Variants in XRN1 observed in about 807,000 individuals in gnomAD.
XRN1 encodes 5'-3' exoribonuclease 1.
A neutral mutation model predicts 222.3 loss-of-function variants in XRN1; 67 were observed. That is an observed-to-expected ratio of 0.30 (90% confidence interval 0.25 to 0.37). The LOEUF is 0.37. Ranked by LOEUF, XRN1 falls within the 10% of genes least tolerant of loss-of-function variation. The pLI is 1.00. For missense variants in XRN1, 1,707 were observed against 2,000.2 expected (o/e 0.85, Z 2.80); for synonymous variants, 643 against 652.4 (o/e 0.99, Z 0.22).
intron 15 of XRN1, among the ~76,000 whole-genome samples, chr3:142,410,644 A>G (rs1380516697): frequency 1.3e-5 from 2 of 151,662 alleles, no homozygotes; most frequent in Non-Finnish European, 2.9e-5. Flanking sequence ...ACAGGTGCCC[A>G]CCACCACGCC....
chr3:142,407,884 T>C (rs1400284912), intron 15 of XRN1: 1 of 152,262 alleles, frequency 6.6e-6, no homozygotes, highest in African/African-American at 2.4e-5. Context: ...TTAAATGGCA[T>C]GTATTCACAG....
intron 37 of XRN1, among the ~76,000 whole-genome samples, chr3:142,325,706 T>G (rs1407659799): frequency 6.6e-6 from 1 of 152,196 alleles, no homozygotes; most frequent in Non-Finnish European, 1.5e-5. Context: ...TTGCTTTAGT[T>G]GCCTGTGCTT....
chr3:142,345,743 AT>A (rs1447085571), intron 33 of XRN1, among the ~76,000 whole-genome samples: 1 of 152,250 alleles, frequency 6.6e-6, no homozygotes, highest in Non-Finnish European at 1.5e-5. Flanking sequence ...TGAACCAAGG[AT>A]TTGAACTGAC....
At position 142,383,412 on chromosome 3, in the gene XRN1, T is replaced by C; in HGVS notation, c.2504A>G (p.Asp835Gly). The change falls in exon 22 of 41, where the codon GAC becomes GGC. Residue 835 changes from aspartate (D) to glycine (G), a missense_variant and splice_region_variant. Physicochemically the swap from Asp to Gly is moderately conservative, Grantham distance 94. Around this residue, in one of 2 missense-constraint regions of XRN1, gnomAD observed 1,234 missense variants for 1,518.2 expected, o/e 0.81. Transcript: ENST00000392981. ...VPFVYQTIVK[D>G]IRAFDSRFSN... ...GAAACGGGAGTCGAAAGCTCGGATGTCCTACATAAAATAAAAGTAAATAAT... is the reference window on the plus strand; with the variant it reads ...GAAACGGGAGTCGAAAGCTCGGATGCCCTACATAAAATAAAAGTAAATAAT... The C allele has an allele frequency of 6.2e-7, 1 of 1,606,154 alleles. No homozygotes were observed.
intron 29 of XRN1, among the ~76,000 whole-genome samples, chr3:142,361,963 C>CTTTTTTTTTTTTT (rs71153961): frequency 2.1e-4 from 11 of 51,672 alleles, no homozygotes; most frequent in African/African-American, 5.3e-4. Flanking sequence ...CTTTTTCTCT[C>CTTTTTTTTTTTTT]TTTTTTTTTT....
intron 1 of XRN1, among the ~76,000 whole-genome samples, chr3:142,440,883 GT>G (rs1444064878): frequency 2.6e-5 from 4 of 152,300 alleles, no homozygotes; most frequent in East Asian, 1.9e-4. Flanking sequence ...CACCTGGACT[GT>G]TTTACCCCAA....
intron 2 of XRN1, among the ~76,000 whole-genome samples, chr3:142,428,393 CAAAAAA>C (rs56759656): frequency 3.5e-5 from 3 of 85,580 alleles, no homozygotes; most frequent in Admixed American, 2.7e-4. Context: ...CAAGACTCTC[CAAAAAA>C]AAAAAAAAAA....
intron 32 of XRN1, among the ~76,000 whole-genome samples, chr3:142,348,904 T>C (rs2066227828): frequency 6.6e-6 from 1 of 152,048 alleles, no homozygotes; most frequent in African/African-American, 2.4e-5. Flanking sequence ...CCTCCCAAAG[T>C]GCTGGGATTA....
intron 13 of XRN1, among the ~76,000 whole-genome samples, chr3:142,415,496 G>A (rs1255633857): frequency 6.6e-6 from 1 of 152,096 alleles, no homozygotes. Flanking sequence ...TCTGTAAAAG[G>A]GAGAAAACAA....
intron 29 of XRN1, among the ~76,000 whole-genome samples, chr3:142,362,782 T>C (rs2066688492): frequency 6.7e-6 from 1 of 148,840 alleles, no homozygotes; most frequent in South Asian, 2.2e-4. Context: ...TCTCTCTCTT[T>C]CTTTTTTTGA....
chr3:142,420,255 G>C (rs1479489949), intron 10 of XRN1: 1 of 152,190 alleles, frequency 6.6e-6, no homozygotes, highest in Non-Finnish European at 1.5e-5. Context: ...ACGCAGTTCA[G>C]TTTCCCACAT....
intron 30 of XRN1, among the ~76,000 whole-genome samples, chr3:142,357,975 C>T (rs1220851975): frequency 6.6e-6 from 1 of 152,020 alleles, no homozygotes; most frequent in East Asian, 1.9e-4. Flanking sequence ...GAGATGCAGG[C>T]TGCAGTGAGC....
intron 8 of XRN1, among the ~76,000 whole-genome samples, chr3:142,422,028 T>C (rs1397774355): frequency 6.6e-6 from 1 of 152,186 alleles, no homozygotes; most frequent in Non-Finnish European, 1.5e-5. Flanking sequence ...CAATAAAGTA[T>C]GCTGGCTTTC....
intron 16 of XRN1, among the ~76,000 whole-genome samples, chr3:142,404,448 A>G (rs1350109327): frequency 6.6e-6 from 1 of 152,168 alleles, no homozygotes; most frequent in Admixed American, 6.5e-5. Flanking sequence ...GAGAAGAGAA[A>G]AAAAAGGAAG....
rs1455992646 is a variant in XRN1 at position 142,307,908 on chromosome 3, C to T, written c.*3603G>A. ...TTTTAAAGACAGAGAACGACTTTCA[C>T]AGCCACTTCTCTACAATAAATTAAT... On this transcript the variant is annotated 3_prime_UTR_variant, in exon 41 of 41. Coordinates refer to ENST00000392981, the MANE Select transcript of XRN1 (RefSeq NM_001282857.2). 6.6e-6 allele frequency: 1 copy of T among 152,172 alleles called. No homozygotes were observed. The highest frequency in any genetic ancestry group is 2.4e-5 in the African/African-American group (1 of 41,450). 9.4% of individuals were successfully genotyped at this position (152,172 alleles called of 1,614,324 possible). A position where few individuals can be genotyped will look rare whatever the true frequency, so the allele number is the denominator to read the frequency against.
chr3:142,332,453 C>T lies in XRN1; in HGVS notation c.4144G>A (p.Ala1382Thr). The T allele has an allele frequency of 6.2e-7, 1 of 1,613,162 alleles. No individual in the cohort carries two copies. Among genetic ancestry groups the T allele is most frequent in the Non-Finnish European group, 8.5e-7 (1 of 1,179,350 alleles). ...TTAGAGGAAACAGGGATTTCATTAG[C>T]AATCTGTTTGATTTCATTCTTATGG... ...VDHKNEIKQI[A>T]NEIPVSSNRR... Residue 1382 changes from alanine (A) to threonine (T), a missense_variant, in exon 36 of 41, where the codon GCT becomes ACT. By Grantham distance (58) the Ala-to-Thr change is moderately conservative (BLOSUM62 0). Around this residue, in one of 2 missense-constraint regions of XRN1, gnomAD observed 473 missense variants for 482.0 expected, o/e 0.98. Coordinates refer to ENST00000392981, the MANE Select transcript of XRN1 (RefSeq NM_001282857.2).
rs2065273098 is a variant in XRN1, at chr3:142,318,810, G to C, written c.4498C>G (p.Leu1500Val). 1 of 1,613,914 alleles carries C rather than the reference G, an allele frequency of 6.2e-7. No homozygotes were observed. Among genetic ancestry groups the C allele is most frequent in the Non-Finnish European group, 8.5e-7 (1 of 1,179,902 alleles). The change falls in exon 38 of 41, where the codon CTT (leucine) becomes GTT (valine). Residue 1500 changes from leucine (L) to valine (V), a missense_variant. Physicochemically the swap from Leu to Val is conservative, Grantham distance 32. Around this residue, in one of 2 missense-constraint regions of XRN1, gnomAD observed 473 missense variants for 482.0 expected, o/e 0.98. Coordinates refer to ENST00000392981, the MANE Select transcript of XRN1 (RefSeq NM_001282857.2). ...CTTACCAACTGTTGTAAAGCAAAAA[G>C]TGCAGCTTTCTCTTTGGCTTCATTT... ...SENEAKEKAA[L>V]FALQQLGSLG...
At chr3:142,344,818 T>C (rs2066095428) in intron 33 of XRN1, among the ~76,000 whole-genome samples, 1 of 152,142 alleles carries the variant, frequency 6.6e-6, no homozygotes, top group African/African-American at 2.4e-5. Context: ...AAGATGACAA[T>C]ACTACCCAAA....
At chr3:142,420,158 T>C (rs1340360865) in intron 10 of XRN1, 1 of 152,016 alleles carries the variant, frequency 6.6e-6, no homozygotes, top group Non-Finnish European at 1.5e-5. Flanking sequence ...TAAAAACTAG[T>C]CCATTGTTTT....
Sources: gnomAD v4.1 joint callset for allele counts (sites outside exome capture counted in the v4.1 genomes callset) on GRCh38, gnomAD v4.1.1 for gene constraint, gnomAD v4.1.1 regional missense constraint, MANE v1.5 for transcripts, NCBI Gene and HGNC (gene_info 2026-07-23, HGNC 2026-07-21) for gene names.